The following CPA6 variants were observed in gnomAD, a reference collection of about 807,000 sequenced individuals.
The protein encoded by CPA6 is carboxypeptidase A6, also known as carboxypeptidase B.
CPA6 carries 58 observed loss-of-function variants against 63.3 expected under a neutral mutation model. That is an observed-to-expected ratio of 0.92 (90% CI 0.74 to 1.14). CPA6 has a LOEUF of 1.14. Among genes scored for constraint, CPA6 ranks in the 50% most tolerant of loss-of-function variants. The pLI, the probability that CPA6 is intolerant of heterozygous loss-of-function variation, is 0.00. For missense variants in CPA6, 565 were observed against 526.6 expected (o/e 1.07, Z -0.71); for synonymous variants, 185 against 179.0 (o/e 1.03, Z -0.27).
At chr8:67,433,225 C>A (rs1036417696) in intron 9 of CPA6, among the ~76,000 whole-genome samples, 1 of 152,160 alleles carries the variant, frequency 6.6e-6, no homozygotes, top group Non-Finnish European at 1.5e-5. Flanking sequence ...CAGCAGCAAC[C>A]CAATTTCCTC....
intron 1 of CPA6, among the ~76,000 whole-genome samples, chr8:67,714,201 G>GC (rs1817331325): frequency 6.6e-6 from 1 of 152,028 alleles, no homozygotes; most frequent in South Asian, 2.1e-4. Context: ...CTTCTTCACC[G>GC]CGTCTCCACT....
At chr8:67,711,623 T>G (rs116667647) in intron 1 of CPA6, among the ~76,000 whole-genome samples, 2,565 of 152,116 alleles carry the variant, frequency 0.017, 72 homozygotes, top group African/African-American at 0.057. Context: ...AAGGGCAGTG[T>G]GTATATGTAT....
chr8:67,436,335 T>C (rs1347350454), intron 8 of CPA6, among the ~76,000 whole-genome samples: 2 of 151,738 alleles, frequency 1.3e-5, no homozygotes, highest in Non-Finnish European at 2.9e-5. Context: ...TCAGTCTCTT[T>C]GCATGTGTGG....
At chr8:67,627,428 A>C (rs1009890150) in intron 1 of CPA6, among the ~76,000 whole-genome samples, 3 of 152,090 alleles carry the variant, frequency 2.0e-5, no homozygotes, top group African/African-American at 7.2e-5. Context: ...CTTATAACTT[A>C]TCAGGTTTTT....
chr8:67,517,091 C>T lies in CPA6; in HGVS notation c.317+832G>A, dbSNP rs138320873. ...GATTCCAGGCGTGAGCCACCGCACC[C>T]GGCCCCACCTGCTCTTTTCTTACTG... is the stretch of plus-strand genomic sequence containing the variant. On this transcript the variant is annotated intron_variant, in intron 3 of 10. Coordinates refer to ENST00000297770, the MANE Select transcript of CPA6 (RefSeq NM_020361.5). Among the ~76,000 whole-genome samples, 602 of 152,104 alleles carry T rather than the reference C, an allele frequency of 4.0e-3. 7 individuals are homozygous for T. Among genetic ancestry groups the T allele is most frequent in the African/African-American group, 0.013 (550 of 41,436 alleles).
intron 8 of CPA6, among the ~76,000 whole-genome samples, chr8:67,446,667 G>A (rs7821000): frequency 0.27 from 41,308 of 151,996 alleles, 6,874 homozygotes; most frequent in African/African-American, 0.47. Context: ...AGTATTGGGA[G>A]ATCATGGTTA....
chr8:67,515,519 G>T (rs1426779402), intron 3 of CPA6, among the ~76,000 whole-genome samples: 1 of 152,190 alleles, frequency 6.6e-6, no homozygotes, highest in East Asian at 1.9e-4. Context: ...TGGGGCATAA[G>T]GGAGGAAGGT....
chr8:67,539,318 A>C (rs1456549311), intron 2 of CPA6, among the ~76,000 whole-genome samples: 2 of 152,182 alleles, frequency 1.3e-5, no homozygotes, highest in East Asian at 3.9e-4. Flanking sequence ...AACGTTGAAT[A>C]TTGGCCTCCA....
chr8:67,442,890 G>A (rs1318535394), intron 8 of CPA6, among the ~76,000 whole-genome samples: 1 of 152,188 alleles, frequency 6.6e-6, no homozygotes, highest in African/African-American at 2.4e-5. Flanking sequence ...GCCCATTCTT[G>A]CCAGATGCAG....
intron 8 of CPA6, among the ~76,000 whole-genome samples, chr8:67,440,171 G>C (rs1810258717): frequency 6.6e-6 from 1 of 152,144 alleles, no homozygotes; most frequent in Non-Finnish European, 1.5e-5. Context: ...GAATTCTCTA[G>C]GGAAGAATCC....
chr8:67,687,328 T>C (rs1217807919), intron 1 of CPA6, among the ~76,000 whole-genome samples: 2 of 152,124 alleles, frequency 1.3e-5, no homozygotes, highest in Non-Finnish European at 2.9e-5. Context: ...ACTTAAGTTA[T>C]AAGATATGAC....
At chr8:67,518,087 AG>A (rs373968549) in intron 2 of CPA6, 40 bp from the exon 3 acceptor site, 45 of 1,492,576 alleles carry the variant, frequency 3.0e-5, no homozygotes, top group Middle Eastern at 1.8e-4. Context: ...TATCCAACGT[AG>A]GGGGGGAAAA....
Position 67,545,608 on chromosome 8 carries a change from C to A in CPA6, c.193-27561G>T, listed in dbSNP as rs1812801486. On this transcript the variant is annotated intron_variant, in intron 2 of 10. Transcript: ENST00000297770. Reference sequence around the variant, plus strand: ...TTGAGATGGAGTTTTGCTCTTGTTACACAGGCTGGAGTACAATGGCGTGAT... The same window carrying A: ...TTGAGATGGAGTTTTGCTCTTGTTAAACAGGCTGGAGTACAATGGCGTGAT... 4.8e-5 allele frequency among the ~76,000 whole-genome samples: 5 copies of A among 105,060 alleles called. No homozygotes were observed. The South Asian group carries it at 1.7e-3, about 35-fold the overall frequency. 68.9% of individuals were successfully genotyped at this position (105,060 alleles called of 152,430 possible).
chr8:67,552,140 T>C (rs1199406074), intron 2 of CPA6, among the ~76,000 whole-genome samples: 3 of 152,326 alleles, frequency 2.0e-5, no homozygotes, highest in South Asian at 2.1e-4. Flanking sequence ...GAGTTTATAA[T>C]AAAATCTGTC....
chr8:67,570,634 T>A (rs1197716533), intron 2 of CPA6, among the ~76,000 whole-genome samples: 1 of 152,186 alleles, frequency 6.6e-6, no homozygotes, highest in African/African-American at 2.4e-5. Context: ...TGAAATAGAC[T>A]GTTATAAGAT....
intron 2 of CPA6, among the ~76,000 whole-genome samples, chr8:67,609,575 T>C (rs1344378240): frequency 6.6e-6 from 1 of 152,236 alleles, no homozygotes; most frequent in Non-Finnish European, 1.5e-5. Flanking sequence ...CTTATGTTCC[T>C]GAAAGAAATT....
chr8:67,658,308 A>C (rs750754964), intron 1 of CPA6, among the ~76,000 whole-genome samples: 15 of 152,206 alleles, frequency 9.9e-5, no homozygotes, highest in Non-Finnish European at 1.9e-4. Context: ...TGGCTGCAGC[A>C]CAAACTTTCT....
chr8:67,502,274 A>G (rs1264900080), intron 6 of CPA6, among the ~76,000 whole-genome samples: 2 of 152,152 alleles, frequency 1.3e-5, no homozygotes, highest in Non-Finnish European at 2.9e-5. Context: ...CTTGGGCAAC[A>G]CAGGGAGACG....
intron 1 of CPA6, among the ~76,000 whole-genome samples, chr8:67,704,045 A>T (rs1042329169): frequency 6.6e-5 from 10 of 152,134 alleles, no homozygotes; most frequent in African/African-American, 1.9e-4. Context: ...ATCCTCCTCC[A>T]GAGGTTCCTC....
Sources: allele counts gnomAD v4.1 joint callset (sites outside exome capture counted in the v4.1 genomes callset), GRCh38; gene constraint gnomAD v4.1.1; transcripts MANE v1.5; gene names NCBI Gene and HGNC (gene_info 2026-07-23, HGNC 2026-07-21).